The following ERBB4 variants were observed in gnomAD, a reference collection of about 807,000 sequenced individuals.
ERBB4 encodes receptor tyrosine-protein kinase erbB-4.
ERBB4 carries 42 observed loss-of-function variants against 158.0 expected under a neutral mutation model. That is an observed-to-expected ratio of 0.27 (90% CI 0.21 to 0.34). ERBB4 has a LOEUF of 0.34. Among genes scored for constraint, ERBB4 ranks in the 10% least tolerant of loss-of-function variants. The pLI, the probability that ERBB4 is intolerant of heterozygous loss-of-function variation, is 1.00. For synonymous variants in ERBB4, 583 were observed against 558.7 expected, an observed-to-expected ratio of 1.04 and a Z score of -0.61; for missense variants, 1,333 against 1,624.1, an observed-to-expected ratio of 0.82 and a Z score of 3.08.
At chr2:212,248,485 T>A (rs565633627) in intron 1 of ERBB4, among the ~76,000 whole-genome samples, 2 of 152,298 alleles carry the variant, frequency 1.3e-5, no homozygotes, top group Admixed American at 1.3e-4. Flanking sequence ...CTCACATCAA[T>A]ATAATGGCCA....
intron 20 of ERBB4, among the ~76,000 whole-genome samples, chr2:211,457,136 G>T (rs1039533803): frequency 1.3e-5 from 2 of 152,014 alleles, no homozygotes; most frequent in African/African-American, 4.8e-5. Context: ...AGATGGACTC[G>T]CTCTAAATCA....
chr2:212,103,972 T>G (rs2125524029), intron 2 of ERBB4, among the ~76,000 whole-genome samples: 1 of 152,196 alleles, frequency 6.6e-6, no homozygotes, highest in South Asian at 2.1e-4. Context: ...CATTGTTCAT[T>G]TTCCAGCATT....
intron 19 of ERBB4, among the ~76,000 whole-genome samples, chr2:211,617,040 G>T (rs2069417235): frequency 6.6e-6 from 1 of 151,324 alleles, no homozygotes; most frequent in African/African-American, 2.4e-5. Flanking sequence ...ATCAGATCAA[G>T]AAAAAAAATG....
At chr2:211,391,858 A>G (rs1173771150) in intron 25 of ERBB4, among the ~76,000 whole-genome samples, 1 of 152,184 alleles carries the variant, frequency 6.6e-6, no homozygotes, top group African/African-American at 2.4e-5. Context: ...TATTATACAA[A>G]TCTACTTTCG....
At chr2:212,113,738 C>A (rs761283834) in intron 2 of ERBB4, among the ~76,000 whole-genome samples, 6 of 152,002 alleles carry the variant, frequency 3.9e-5, no homozygotes, top group Non-Finnish European at 8.8e-5. Context: ...AGCTGCACTA[C>A]CTATATGTCT....
At chr2:211,560,353 C>T (rs1041962893) in intron 20 of ERBB4, among the ~76,000 whole-genome samples, 1 of 143,444 alleles carries the variant, frequency 7.0e-6, no homozygotes, top group African/African-American at 2.7e-5. Flanking sequence ...CGGCTCACCA[C>T]AACCTCAGCC....
chr2:212,102,414 T>C (rs1380226100), intron 2 of ERBB4, among the ~76,000 whole-genome samples: 1 of 152,030 alleles, frequency 6.6e-6, no homozygotes, highest in Non-Finnish European at 1.5e-5. Flanking sequence ...TTGGCATTTG[T>C]TTCATTTGTT....
At chr2:212,178,407 G>C (rs144169883) in intron 1 of ERBB4, among the ~76,000 whole-genome samples, 12 of 151,686 alleles carry the variant, frequency 7.9e-5, no homozygotes, top group African/African-American at 2.4e-4. Context: ...GAGGAAAGTG[G>C]AGAGATTTAC....
chr2:212,003,192 AGAAAGAAAGAAAGACAGAAAGAAG>A lies in ERBB4; in HGVS notation c.235-55600_235-55577del, dbSNP rs1290220508. ...AAGAAAGAAAGAAAGAAAGAAAGAA[AGAAAGAAAGAAAGACAGAAAGAAG>A]GAAGGAAGGAAGGAAGGAAGGAAGG... On this transcript the variant is annotated intron_variant, in intron 2 of 27. Transcript: ENST00000342788. Among the ~76,000 whole-genome samples, 46 of 71,142 alleles carry A rather than the reference AGAAAGAAAGAAAGACAGAAAGAAG, an allele frequency of 6.5e-4. 3 individuals are homozygous for A. Among genetic ancestry groups the A allele is most frequent in the East Asian group, 1.1e-3 (3 of 2,640 alleles). The allele number at this position is 71,142 out of a possible 152,430, so 46.7% of individuals were successfully genotyped here.
chr2:211,673,953 C>T (rs1034835686), intron 13 of ERBB4, among the ~76,000 whole-genome samples: 6 of 152,054 alleles, frequency 3.9e-5, no homozygotes, highest in African/African-American at 1.4e-4. Flanking sequence ...CTAAAACTTT[C>T]TAATTGAAAT....
intron 5 of ERBB4, among the ~76,000 whole-genome samples, chr2:211,732,604 G>A (rs2074460173): frequency 6.6e-6 from 1 of 152,084 alleles, no homozygotes; most frequent in Admixed American, 6.5e-5. Flanking sequence ...TCATTCCCCT[G>A]GAAAACATAG....
chr2:211,429,167 G>A (rs1281204256), intron 21 of ERBB4, among the ~76,000 whole-genome samples: 1 of 151,928 alleles, frequency 6.6e-6, no homozygotes, highest in East Asian at 1.9e-4. Flanking sequence ...TAATACACAT[G>A]CTTCTAAAAA....
chr2:212,106,844 G>A (rs1305299130), intron 2 of ERBB4, among the ~76,000 whole-genome samples: 1 of 152,236 alleles, frequency 6.6e-6, no homozygotes, highest in Non-Finnish European at 1.5e-5. Context: ...CATGGCTTCA[G>A]AGGGTGCAAG....
At chr2:211,393,350 C>CA (rs748083557) in intron 25 of ERBB4, among the ~76,000 whole-genome samples, 2 of 152,008 alleles carry the variant, frequency 1.3e-5, no homozygotes, top group Non-Finnish European at 2.9e-5. Context: ...ATTTTATAGA[C>CA]AAAAAAATTG....
intron 1 of ERBB4, among the ~76,000 whole-genome samples, chr2:212,220,585 T>C (rs2083261880): frequency 6.6e-6 from 1 of 151,402 alleles, no homozygotes; most frequent in African/African-American, 2.4e-5. Flanking sequence ...TGTGTATCCC[T>C]AGTTCCCATC....
chr2:211,428,529 T>G lies in ERBB4; in HGVS notation c.2644-46A>C, dbSNP rs765692559. The G allele has an allele frequency of 1.3e-5, 13 of 1,033,200 alleles. No homozygotes were observed. The East Asian group carries it at 3.1e-4, about 25-fold the overall frequency. 64.0% of individuals were successfully genotyped at this position (1,033,200 alleles called of 1,614,324 possible). A position where few individuals can be genotyped will look rare whatever the true frequency, so the allele number is the denominator to read the frequency against. ...AAAGTTTTAAAATTACATTAAAAAT[T>G]CATTTCTATATGTATTTCCTAAATG... is the stretch of plus-strand genomic sequence containing the variant. On this transcript the variant is annotated intron_variant, in intron 21 of 27. Transcript: ENST00000342788.
rs114706363 is a variant in ERBB4, at chr2:211,776,506, C to T, written c.556+11519G>A. Among the ~76,000 whole-genome samples the T allele has an allele frequency of 3.6e-3, 545 of 152,174 alleles. 6 individuals carry two copies. Among genetic ancestry groups the T allele is most frequent in the African/African-American group, 0.013 (520 of 41,508 alleles). On this transcript the variant is annotated intron_variant, in intron 4 of 27. Coordinates refer to ENST00000342788, the MANE Select transcript of ERBB4 (RefSeq NM_005235.3). ...ATTTTCACTGGGGTGGGGATACTTG[C>T]ATGTGTAATCTTACTAAGAGCTAAT...
chr2:211,701,370 C>G (rs925132477), intron 12 of ERBB4, among the ~76,000 whole-genome samples: 1 of 152,010 alleles, frequency 6.6e-6, no homozygotes, highest in Non-Finnish European at 1.5e-5. Flanking sequence ...TGATTGGATC[C>G]TTGAAATGAC....
chr2:211,722,674 G>A (rs2074141905), intron 6 of ERBB4, 140 bp from the exon 7 acceptor site: 6 of 934,452 alleles, frequency 6.4e-6, no homozygotes, highest in Non-Finnish European at 9.7e-6. Flanking sequence ...AGTCATGTGT[G>A]TTTCCAAAAT....
Sources: gnomAD v4.1 joint callset for allele counts (sites outside exome capture counted in the v4.1 genomes callset) on GRCh38, gnomAD v4.1.1 for gene constraint, MANE v1.5 for transcripts, NCBI Gene and HGNC (gene_info 2026-07-23, HGNC 2026-07-21) for gene names.